The following AOAH variants were observed in gnomAD, a reference collection of about 807,000 sequenced individuals.
AOAH encodes acyloxyacyl hydrolase (neutrophil).
In AOAH, 64 loss-of-function variants were observed where a neutral mutation model predicts 92.2. The observed-to-expected ratio is 0.69, with a 90% CI of 0.57 to 0.86. The LOEUF (loss-of-function observed/expected upper bound fraction) is 0.86, where lower values mean the gene tolerates loss of function less well. AOAH is among the 40% of genes least tolerant of loss of function. The probability of loss-of-function intolerance (pLI) is 0.00; values close to 1 mark genes in which losing one functional copy is unlikely to be tolerated. For missense variants in AOAH, 656 were observed against 694.6 expected, an observed-to-expected ratio of 0.94 and a Z score of 0.62; for synonymous variants, 263 against 254.5, an observed-to-expected ratio of 1.03 and a Z score of -0.32.
chr7:36,591,896 A>T (rs1276973360), intron 12 of AOAH, among the ~76,000 whole-genome samples: 1 of 152,166 alleles, frequency 6.6e-6, no homozygotes, highest in Non-Finnish European at 1.5e-5. Flanking sequence ...ACATGTTTTT[A>T]TCTGTTTGCT....
rs550407358 is a variant in AOAH at position 36,586,753 on chromosome 7, G to A, written c.938+7586C>T. ...GGTATTAAAATTGGGAAATTTAAAT[G>A]TACATTTAATTATCAATTCATTTTA... is the stretch of plus-strand genomic sequence containing the variant. On this transcript the variant is annotated intron_variant, in intron 12 of 20. Coordinates refer to ENST00000617537, the MANE Select transcript of AOAH (RefSeq NM_001637.4). Among the ~76,000 whole-genome samples, 40 of 152,220 alleles carry A rather than the reference G, an allele frequency of 2.6e-4. No homozygotes were observed. The East Asian group carries it at 6.8e-3, about 26-fold the overall frequency.
At chr7:36,560,038 G>T (rs562148688) in intron 13 of AOAH, among the ~76,000 whole-genome samples, 1 of 152,262 alleles carries the variant, frequency 6.6e-6, no homozygotes, top group East Asian at 1.9e-4. Flanking sequence ...TGGTCAGATG[G>T]CTGTAGGTGT....
chr7:36,536,714 C>T (rs894101826), intron 16 of AOAH, among the ~76,000 whole-genome samples: 6 of 151,960 alleles, frequency 3.9e-5, no homozygotes, highest in East Asian at 1.9e-4. Context: ...TTTGGGAGGC[C>T]GAGGCAGGTG....
At chr7:36,654,267 C>T (rs1794749979) in intron 4 of AOAH, among the ~76,000 whole-genome samples, 1 of 152,204 alleles carries the variant, frequency 6.6e-6, no homozygotes, top group African/African-American at 2.4e-5. Context: ...GCTATTTTTC[C>T]TTCCCTTTCC....
In AOAH at chr7:36,639,832, C is replaced by G. The variant is rs575634808; in HGVS notation, c.391-1922G>C. On this transcript the variant is annotated intron_variant, in intron 4 of 20. Coordinates refer to ENST00000617537, the MANE Select transcript of AOAH (RefSeq NM_001637.4). Reference sequence around the variant, plus strand: ...CATCCCTTCCCTCCCAGAGCTTTCTCCCTGGCAAGGGGACTGACCTCGAGC... The same window carrying G: ...CATCCCTTCCCTCCCAGAGCTTTCTGCCTGGCAAGGGGACTGACCTCGAGC... Among the ~76,000 whole-genome samples, 8 of 152,298 alleles carry G rather than the reference C, an allele frequency of 5.3e-5. No individual in the cohort carries two copies. In the East Asian group the frequency reaches 1.5e-3, roughly 29 times the overall value.
intron 19 of AOAH, 71 bp from the exon 20 acceptor site, chr7:36,522,186 C>T (rs1434218073): frequency 2.7e-5 from 40 of 1,456,678 alleles, no homozygotes; most frequent in Middle Eastern, 1.7e-4. Flanking sequence ...AGGACAAGGA[C>T]GTGAGAACTG....
chr7:36,723,402 A>G lies in AOAH; in HGVS notation c.127+620T>C, dbSNP rs374905012. 3.3e-4 allele frequency among the ~76,000 whole-genome samples: 50 copies of G among 152,356 alleles called. 1 individual carries two copies. Among genetic ancestry groups the G allele is most frequent in the African/African-American group, 1.2e-3 (50 of 41,580 alleles). ...TCATTAACAGATGAGCCAAGAAGCC[A>G]TATCAACGCTCAGCGTCTCCAGGTG... is the stretch of plus-strand genomic sequence containing the variant. On this transcript the variant is annotated intron_variant, in intron 1 of 20. Coordinates refer to ENST00000617537, the MANE Select transcript of AOAH (RefSeq NM_001637.4).
chr7:36,573,673 G>A (rs1193617682), intron 13 of AOAH, among the ~76,000 whole-genome samples: 2 of 152,002 alleles, frequency 1.3e-5, no homozygotes, highest in Admixed American at 6.6e-5. Context: ...AGCTGAGATC[G>A]CACCACTGCA....
intron 1 of AOAH, among the ~76,000 whole-genome samples, chr7:36,710,236 A>G (rs1254769492): frequency 6.6e-6 from 1 of 152,190 alleles, no homozygotes; most frequent in Non-Finnish European, 1.5e-5. Flanking sequence ...CAATCAGTTT[A>G]TTTTGGGGTA....
At chr7:36,681,648 T>C (rs1796651163) in intron 2 of AOAH, among the ~76,000 whole-genome samples, 1 of 152,048 alleles carries the variant, frequency 6.6e-6, no homozygotes, top group South Asian at 2.1e-4. Flanking sequence ...CTACTAAAAA[T>C]GCAAAAATTA....
At chr7:36,623,292 A>C in intron 6 of AOAH, 42 bp from the exon 7 acceptor site, 1 of 1,573,794 alleles carries the variant, frequency 6.4e-7, no homozygotes, top group Non-Finnish European at 8.7e-7. Flanking sequence ...CTAACAAAAA[A>C]AGTAACAGTG....
intron 1 of AOAH, among the ~76,000 whole-genome samples, chr7:36,713,579 T>C (rs555323525): frequency 1.3e-5 from 2 of 152,318 alleles, no homozygotes; most frequent in East Asian, 1.9e-4. Flanking sequence ...TAGTTGGAAG[T>C]AAAGCTCTCC....
chr7:36,521,317 A>G (rs998625584), intron 20 of AOAH, among the ~76,000 whole-genome samples: 3 of 152,216 alleles, frequency 2.0e-5, no homozygotes, highest in African/African-American at 7.2e-5. Flanking sequence ...AAGTGGCAGA[A>G]CAACTCCCCC....
rs918211951 is a variant in AOAH, at chr7:36,516,640, G to C, written c.1600-3260C>G. Among the ~76,000 whole-genome samples the C allele has an allele frequency of 6.6e-6, 1 of 152,198 alleles. No homozygotes were observed. Among genetic ancestry groups the C allele is most frequent in the South Asian group, 2.1e-4 (1 of 4,824 alleles). On this transcript the variant is annotated intron_variant, in intron 20 of 20. Transcript: ENST00000617537. This position sits in a 1 kb window ranked among gnomAD's most constrained non-coding sequence, Gnocchi z 5.0. ...TCAGGACCTTTGAAGACAGAGGCCC[G>C]GGCTTGTGGCTGTTTTCCTGCCATT...
chr7:36,692,497 A>C (rs563040310), intron 1 of AOAH, among the ~76,000 whole-genome samples: 1 of 152,108 alleles, frequency 6.6e-6, no homozygotes, highest in African/African-American at 2.4e-5. Flanking sequence ...CAAAATTGCC[A>C]ACGTTGCCAA....
At chr7:36,553,516 T>C (rs1445226943) in intron 13 of AOAH, among the ~76,000 whole-genome samples, 1 of 151,972 alleles carries the variant, frequency 6.6e-6, no homozygotes, top group Non-Finnish European at 1.5e-5. Flanking sequence ...ATGGGATGGC[T>C]GGGTCAAATG....
intron 1 of AOAH, among the ~76,000 whole-genome samples, chr7:36,717,581 C>G (rs1003732099): frequency 2.0e-5 from 3 of 150,374 alleles, no homozygotes; most frequent in Non-Finnish European, 4.5e-5. Flanking sequence ...GAGGCAGTGG[C>G]GAGGCACCGG....
At chr7:36,644,761 G>C (rs544186107) in intron 4 of AOAH, among the ~76,000 whole-genome samples, 2 of 152,280 alleles carry the variant, frequency 1.3e-5, no homozygotes, top group African/African-American at 4.8e-5. Context: ...ATCAATTATA[G>C]CATCAGTAGA....
rs927005680 is a variant in AOAH at position 36,516,592 on chromosome 7, G to A, written c.1600-3212C>T. ...GCTGGCCAGTGCTCCAGGGAGGGCC[G>A]GATCATCTCTCACACAAAGTGATCA... On this transcript the variant is annotated intron_variant, in intron 20 of 20. Transcript: ENST00000617537. The surrounding 1 kb of genome is among the most constrained non-coding windows in gnomAD (Gnocchi z 5.0). 6.6e-6 allele frequency among the ~76,000 whole-genome samples: 1 copy of A among 152,178 alleles called. No individual in the cohort carries two copies. The highest frequency in any genetic ancestry group is 2.4e-5 in the African/African-American group (1 of 41,430).
Sources: gnomAD v4.1 joint callset for allele counts (sites outside exome capture counted in the v4.1 genomes callset) on GRCh38, gnomAD v4.1.1 for gene constraint, Gnocchi (gnomAD v3.1) non-coding constraint, MANE v1.5 for transcripts, NCBI Gene and HGNC (gene_info 2026-07-23, HGNC 2026-07-21) for gene names.